Variants in ADK observed in about 807,000 individuals in gnomAD.
ADK encodes the protein N6,N6-dimethyladenosine kinase.
Under a neutral mutation model 44.7 loss-of-function variants are expected in ADK, and 24 were observed. That is an observed-to-expected ratio of 0.54 (90% CI 0.39 to 0.76). The LOEUF is 0.76. ADK is among the 30% of genes least tolerant of loss of function. ADK has a pLI of 0.00. For synonymous variants in ADK, 128 were observed against 142.6 expected, an observed-to-expected ratio of 0.90 and a Z score of 0.73; for missense variants, 321 against 425.1, an observed-to-expected ratio of 0.76 and a Z score of 2.15.
intron 7 of ADK, among the ~76,000 whole-genome samples, chr10:74,541,790 A>ACCCCCCCCC (rs1452468608): frequency 4.1e-5 from 1 of 24,128 alleles, no homozygotes; most frequent in Non-Finnish European, 9.2e-5. Flanking sequence ...GAGAACCCCC[A>ACCCCCCCCC]CACACCCCCC....
intron 7 of ADK, among the ~76,000 whole-genome samples, chr10:74,574,427 C>G (rs564953154): frequency 6.6e-6 from 1 of 152,110 alleles, no homozygotes; most frequent in South Asian, 2.1e-4. Flanking sequence ...CCTCAGCCTC[C>G]CAAAGTGCTG....
intron 7 of ADK, among the ~76,000 whole-genome samples, chr10:74,541,589 A>G (rs892732446): frequency 6.6e-6 from 1 of 152,134 alleles, no homozygotes; most frequent in African/African-American, 2.4e-5. Flanking sequence ...TTATAGGAAT[A>G]CCATAGAAAC....
intron 6 of ADK, among the ~76,000 whole-genome samples, chr10:74,436,692 A>G (rs1364747222): frequency 6.6e-6 from 1 of 152,224 alleles, no homozygotes; most frequent in Non-Finnish European, 1.5e-5. Context: ...CTGTGGCAAC[A>G]TGACGTCAAA....
chr10:74,192,906 A>C (rs2132123633), intron 1 of ADK, among the ~76,000 whole-genome samples: 1 of 152,284 alleles, frequency 6.6e-6, no homozygotes, highest in African/African-American at 2.4e-5. Context: ...CTCTGGGATA[A>C]ATGCTGTGTA....
chr10:74,474,564 C>G (rs890873171), intron 6 of ADK, among the ~76,000 whole-genome samples: 3 of 150,766 alleles, frequency 2.0e-5, no homozygotes, highest in Admixed American at 2.0e-4. Context: ...CCCTCCCCTC[C>G]CCTCATTCTC....
At chr10:74,588,123 CTTG>C (rs538905090) in intron 7 of ADK, among the ~76,000 whole-genome samples, 69 of 152,202 alleles carry the variant, frequency 4.5e-4, no homozygotes, top group African/African-American at 1.6e-3. Context: ...AGATTTAACA[CTTG>C]TTAACATTTT....
intron 6 of ADK, among the ~76,000 whole-genome samples, chr10:74,406,674 T>TTTTTTATTTATA (rs1554853799): frequency 6.8e-6 from 1 of 148,060 alleles, no homozygotes. Flanking sequence ...TTGTCTTTTC[T>TTTTTTATTTATA]TTTTTATTTT....
chr10:74,406,934 C>T (rs1470755406), intron 6 of ADK, among the ~76,000 whole-genome samples: 1 of 151,398 alleles, frequency 6.6e-6, no homozygotes, highest in Non-Finnish European at 1.5e-5. Flanking sequence ...TTGCCTCGGC[C>T]TCCCAAAGTG....
At chr10:74,598,239 A>G (rs1322496192) in intron 8 of ADK, among the ~76,000 whole-genome samples, 1 of 152,178 alleles carries the variant, frequency 6.6e-6, no homozygotes, top group Non-Finnish European at 1.5e-5. Flanking sequence ...GAGAGGAATT[A>G]CTGTAGAAGG....
At chr10:74,694,757 C>G (rs1256518616) in intron 10 of ADK, among the ~76,000 whole-genome samples, 1 of 152,224 alleles carries the variant, frequency 6.6e-6, no homozygotes, top group African/African-American at 2.4e-5. Flanking sequence ...GCTGGGATTA[C>G]AGGCATGAGC....
chr10:74,544,504 G>A (rs1407334736), intron 7 of ADK, among the ~76,000 whole-genome samples: 1 of 152,128 alleles, frequency 6.6e-6, no homozygotes, highest in African/African-American at 2.4e-5. Context: ...TGATAAATGT[G>A]GTGGGAGGTG....
intron 6 of ADK, among the ~76,000 whole-genome samples, chr10:74,493,363 G>A (rs1282357748): frequency 6.7e-6 from 1 of 150,334 alleles, no homozygotes; most frequent in Non-Finnish European, 1.5e-5. Flanking sequence ...GTGTGTGTGT[G>A]TGTATATACA....
intron 4 of ADK, chr10:74,372,231 G>C (rs529212690): frequency 1.2e-5 from 9 of 761,360 alleles, no homozygotes; most frequent in African/African-American, 1.0e-4. Context: ...GACTGCTCCA[G>C]CTCCTGAGTT....
At chr10:74,551,700 A>T (rs1371314109) in intron 7 of ADK, among the ~76,000 whole-genome samples, 2 of 152,200 alleles carry the variant, frequency 1.3e-5, no homozygotes, top group Admixed American at 1.3e-4. Context: ...CCCTATATTT[A>T]ACTGAAGGCA....
Position 74,708,567 on chromosome 10 carries a change from CTT to C in ADK, c.*123_*124del. 1 of 1,140,644 alleles carries C rather than the reference CTT, an allele frequency of 8.8e-7. No individual in the cohort carries two copies. Among genetic ancestry groups the C allele is most frequent in the Non-Finnish European group, 1.3e-6 (1 of 799,148 alleles). The allele number at this position is 1,140,644 out of a possible 1,614,324, so 70.7% of individuals were successfully genotyped here. The stretch of plus-strand genomic sequence containing the variant: ...TTTTCCTACTATAATAATGCTGAAT[CTT>C]AATTTAGAGGGTACAAGGGTATGGT... On this transcript the variant is annotated 3_prime_UTR_variant, in exon 11 of 11. Coordinates refer to ENST00000539909, the MANE Select transcript of ADK (RefSeq NM_006721.4).
intron 7 of ADK, among the ~76,000 whole-genome samples, chr10:74,541,273 G>A (rs914143822): frequency 3.9e-5 from 6 of 152,032 alleles, no homozygotes; most frequent in South Asian, 2.1e-4. Context: ...CCTTGGCCTC[G>A]CAAAGTGCTG....
chr10:74,529,294 A>G (rs1209771062), intron 7 of ADK: 1 of 152,202 alleles, frequency 6.6e-6, no homozygotes, highest in African/African-American at 2.4e-5. Context: ...TCCACTTACA[A>G]GAAGTATCTA....
At chr10:74,285,747 G>C (rs1591987144) in intron 3 of ADK, among the ~76,000 whole-genome samples, 1 of 152,058 alleles carries the variant, frequency 6.6e-6, no homozygotes, top group African/African-American at 2.4e-5. Flanking sequence ...AAATCAGGAG[G>C]CCTTGAAACG....
intron 4 of ADK, chr10:74,372,506 C>A: frequency 5.2e-6 from 2 of 386,094 alleles, no homozygotes; most frequent in Non-Finnish European, 4.8e-6. Context: ...ATGCATTCAG[C>A]AAGGTTGACA....
Sources: gnomAD v4.1 joint callset for allele counts (sites outside exome capture counted in the v4.1 genomes callset) on GRCh38, gnomAD v4.1.1 for gene constraint, MANE v1.5 for transcripts, NCBI Gene and HGNC (gene_info 2026-07-23, HGNC 2026-07-21) for gene names.